Variants in MED12L observed in about 807,000 individuals in gnomAD.
MED12L encodes mediator of RNA polymerase II transcription subunit 12-like protein.
In MED12L, 60 loss-of-function variants were observed where a neutral mutation model predicts 281.3. That is an observed-to-expected ratio of 0.21 (90% CI 0.17 to 0.26). The LOEUF (loss-of-function observed/expected upper bound fraction) is 0.26, where lower values mean the gene tolerates loss of function less well. Among genes scored for constraint, MED12L ranks in the 10% least tolerant of loss-of-function variants. MED12L has a pLI of 1.00. For synonymous variants in MED12L, 974 were observed against 987.2 expected, an observed-to-expected ratio of 0.99 and a Z score of 0.25; for missense variants, 2,146 against 2,680.9, an observed-to-expected ratio of 0.80 and a Z score of 4.41.
At chr3:151,422,519 G>A (rs58424929) in intron 43 of MED12L, among the ~76,000 whole-genome samples, 4,247 of 152,154 alleles carry the variant, frequency 0.028, 187 homozygotes, top group African/African-American at 0.096. Flanking sequence ...GCATATACGT[G>A]TCTACTTTTT....
chr3:151,233,835 C>T (rs1026352326), intron 16 of MED12L, among the ~76,000 whole-genome samples: 3 of 152,236 alleles, frequency 2.0e-5, no homozygotes, highest in Non-Finnish European at 4.4e-5. Flanking sequence ...CTTTCTCCGC[C>T]TTGTGGTAAC....
intron 2 of MED12L, among the ~76,000 whole-genome samples, chr3:151,094,473 C>T (rs1315892411): frequency 1.3e-5 from 2 of 152,134 alleles, no homozygotes; most frequent in East Asian, 1.9e-4. Context: ...GTAGAGGGGA[C>T]GCTCTTACCT....
chr3:151,235,891 G>T (rs754058117), intron 16 of MED12L, among the ~76,000 whole-genome samples: 2 of 151,876 alleles, frequency 1.3e-5, no homozygotes, highest in Non-Finnish European at 2.9e-5. Flanking sequence ...CCCCTATGTC[G>T]CATTCTCTAG....
chr3:151,246,417 A>C (rs1168423338), intron 16 of MED12L, among the ~76,000 whole-genome samples: 1 of 152,034 alleles, frequency 6.6e-6, no homozygotes, highest in Non-Finnish European at 1.5e-5. Context: ...TGGTACCAAA[A>C]CAGAGATATA....
intron 16 of MED12L, among the ~76,000 whole-genome samples, chr3:151,218,542 GA>G (rs1438479391): frequency 6.6e-6 from 1 of 152,076 alleles, no homozygotes; most frequent in African/African-American, 2.4e-5. Flanking sequence ...TCACATTTAA[GA>G]AAGATTCATA....
chr3:151,151,811 CAG>C (rs775278855), intron 5 of MED12L, among the ~76,000 whole-genome samples: 3 of 152,094 alleles, frequency 2.0e-5, no homozygotes, highest in Non-Finnish European at 2.9e-5. Flanking sequence ...AAATGTAACA[CAG>C]AGTCATGATG....
At chr3:151,236,532 T>G (rs982000131) in intron 16 of MED12L, among the ~76,000 whole-genome samples, 1 of 152,224 alleles carries the variant, frequency 6.6e-6, no homozygotes, top group Non-Finnish European at 1.5e-5. Flanking sequence ...AGTAAGCAGC[T>G]GCTCTTGTCT....
chr3:151,226,318 G>A (rs1356328587), intron 16 of MED12L, among the ~76,000 whole-genome samples: 1 of 152,250 alleles, frequency 6.6e-6, no homozygotes, highest in Non-Finnish European at 1.5e-5. Context: ...ACGAGAGGCT[G>A]TCACAGTGGG....
At chr3:151,293,806 A>G (rs1013875765) in intron 16 of MED12L, among the ~76,000 whole-genome samples, 3 of 152,172 alleles carry the variant, frequency 2.0e-5, no homozygotes, top group African/African-American at 7.2e-5. Context: ...TTCTTTTCCT[A>G]TCCTTCAACT....
At chr3:151,319,799 C>T (rs933647351) in intron 16 of MED12L, among the ~76,000 whole-genome samples, 3 of 151,972 alleles carry the variant, frequency 2.0e-5, no homozygotes, top group Non-Finnish European at 4.4e-5. Context: ...ACTCAAAATA[C>T]AACAAACTGG....
rs937121 is a variant in MED12L, at chr3:151,314,388, C to T, written c.2251-35671C>T. 6.8e-3 allele frequency among the ~76,000 whole-genome samples: 1,035 copies of T among 152,264 alleles called. 10 individuals carry two copies. Among genetic ancestry groups the T allele is most frequent in the South Asian group, 0.024 (114 of 4,826 alleles). ...GAAAGAACCTGTCTTTCACCATTGG[C>T]CTGAAGCAGAAGGTCTGAGAGGTGG... On this transcript the variant is annotated intron_variant, in intron 16 of 44. Coordinates refer to ENST00000687756, the MANE Select transcript of MED12L (RefSeq NM_001393769.1).
intron 23 of MED12L, among the ~76,000 whole-genome samples, chr3:151,366,945 T>A (rs1755356365): frequency 6.6e-6 from 1 of 152,170 alleles, no homozygotes; most frequent in Non-Finnish European, 1.5e-5. Context: ...CTTATGGTGG[T>A]GTGCTAATAA....
intron 5 of MED12L, among the ~76,000 whole-genome samples, chr3:151,151,475 T>G (rs923308220): frequency 2.0e-5 from 3 of 151,870 alleles, no homozygotes; most frequent in African/African-American, 7.3e-5. Context: ...TTCTAGCTTT[T>G]GATTTACAGT....
chr3:151,112,396 T>C (rs1712054585), intron 2 of MED12L, among the ~76,000 whole-genome samples: 1 of 151,966 alleles, frequency 6.6e-6, no homozygotes, highest in Non-Finnish European at 1.5e-5. Flanking sequence ...TTCTCTGCCT[T>C]CTAGGGCCCT....
At chr3:151,322,495 C>T (rs991592595) in intron 16 of MED12L, among the ~76,000 whole-genome samples, 3 of 152,026 alleles carry the variant, frequency 2.0e-5, no homozygotes, top group Admixed American at 6.6e-5. Flanking sequence ...CTGCATCTGG[C>T]GCCCCATGGA....
chr3:151,299,305 G>T (rs1224312929), intron 16 of MED12L, among the ~76,000 whole-genome samples: 29 of 151,518 alleles, frequency 1.9e-4, no homozygotes. Flanking sequence ...CCAGGGCACA[G>T]CTGCCTAGGT....
intron 5 of MED12L, among the ~76,000 whole-genome samples, chr3:151,129,539 C>T (rs971079191): frequency 2.1e-4 from 32 of 151,578 alleles, no homozygotes; most frequent in African/African-American, 7.3e-4. Context: ...AAGAAGTGCC[C>T]CTTTTTATTA....
chr3:151,411,082 G>C (rs770010369), intron 40 of MED12L, among the ~76,000 whole-genome samples, 196 bp from the exon 41 acceptor site: 3 of 152,138 alleles, frequency 2.0e-5, no homozygotes, highest in Non-Finnish European at 4.4e-5. Flanking sequence ...TACACAGCCA[G>C]ATCATTCTGT....
At position 151,127,817 on chromosome 3, in the gene MED12L, C is replaced by T. The variant is rs1282600687; in HGVS notation, c.397-8C>T. 6.4e-7 allele frequency: 1 copy of T among 1,574,628 alleles called. No individual in the cohort carries two copies. The highest frequency in any genetic ancestry group is 1.1e-5 in the South Asian group (1 of 89,586). On this transcript the variant is annotated splice_region_variant and splice_polypyrimidine_tract_variant and intron_variant, in intron 4 of 44. Coordinates refer to ENST00000687756, the MANE Select transcript of MED12L (RefSeq NM_001393769.1). Reference sequence around the variant, plus strand: ...TTATTATAAATATACTATGTTGTTTCTTTTTAGGTTCCTATCCTTAGTAAA... The same window carrying T: ...TTATTATAAATATACTATGTTGTTTTTTTTTAGGTTCCTATCCTTAGTAAA...
Sources: allele counts gnomAD v4.1 joint callset (sites outside exome capture counted in the v4.1 genomes callset), GRCh38; gene constraint gnomAD v4.1.1; transcripts MANE v1.5; gene names NCBI Gene and HGNC (gene_info 2026-07-23, HGNC 2026-07-21).